Variants in NTRK3 observed in about 807,000 individuals in gnomAD.
NTRK3 encodes neurotrophic receptor tyrosine kinase 3.
In NTRK3, 24 loss-of-function variants were observed where a neutral mutation model predicts 91.7. The observed-to-expected ratio is 0.26, with a 90% CI of 0.19 to 0.37. NTRK3 has a LOEUF of 0.37. Among genes scored for constraint, NTRK3 ranks in the 10% least tolerant of loss-of-function variants. The pLI is 1.00. For missense variants in NTRK3, 880 were observed against 1,068.9 expected (o/e 0.82, Z 2.46); for synonymous variants, 483 against 404.0 (o/e 1.20, Z -2.34).
intron 5 of NTRK3, among the ~76,000 whole-genome samples, chr15:88,158,264 G>A (rs905975954): frequency 1.1e-4 from 16 of 152,142 alleles, no homozygotes; most frequent in Non-Finnish European, 2.4e-4. Flanking sequence ...AAGCCACAAC[G>A]CGCCCACGCC....
rs377120482 is a variant in NTRK3 at position 88,056,204 on chromosome 15, T to TATATATATATA, written c.1397-23160_1397-23159insTATATATATAT. On this transcript the variant is annotated intron_variant, in intron 13 of 18. Coordinates refer to ENST00000394480, the Ensembl canonical transcript of NTRK3. ...TATATATATATATATATATATATAT[T>TATATATATATA]TTTTTTTTAATGTAGAACCTTGATC... 3.3e-3 allele frequency among the ~76,000 whole-genome samples: 314 copies of TATATATATATA among 95,162 alleles called. 2 individuals carry two copies. The highest frequency in any genetic ancestry group is 5.7e-3 in the Middle Eastern group (1 of 174). The allele number at this position is 95,162 out of a possible 152,430, so 62.4% of individuals were successfully genotyped here.
rs1343039261 is a variant in NTRK3 at position 88,241,980 on chromosome 15, C to T, written c.248+13926G>A. Among the ~76,000 whole-genome samples, 1 of 152,150 alleles carries T rather than the reference C, an allele frequency of 6.6e-6. No homozygotes were observed. Among genetic ancestry groups the T allele is most frequent in the Non-Finnish European group, 1.5e-5 (1 of 68,024 alleles). On this transcript the variant is annotated intron_variant, in intron 3 of 18. Coordinates refer to ENST00000394480, the Ensembl canonical transcript of NTRK3. This position sits in a 1 kb window ranked among gnomAD's most constrained non-coding sequence, Gnocchi z 4.3. ...AGGGGTCCTGCTCTCCACGGCTTTC[C>T]CAGCTCTCCCAAGTGGCTGGCCCAT...
At chr15:88,146,413 G>A (rs6496465) in intron 6 of NTRK3, among the ~76,000 whole-genome samples, 70,305 of 152,026 alleles carry the variant, frequency 0.46, 17,967 homozygotes, top group African/African-American at 0.7. Context: ...TTGGATCTGC[G>A]TCACCAAGTA....
At chr15:88,029,247 T>C (rs958172971) in intron 14 of NTRK3, among the ~76,000 whole-genome samples, 1 of 152,196 alleles carries the variant, frequency 6.6e-6, no homozygotes, top group African/African-American at 2.4e-5. Context: ...GCTAAATAAA[T>C]GCAGAATAAA....
chr15:87,892,996 G>A (rs1308526505), intron 17 of NTRK3, among the ~76,000 whole-genome samples: 1 of 152,114 alleles, frequency 6.6e-6, no homozygotes, highest in Non-Finnish European at 1.5e-5. Flanking sequence ...ACAATATTCT[G>A]GAAATGACAT....
At chr15:87,904,988 A>T (rs1190684886) in intron 17 of NTRK3, among the ~76,000 whole-genome samples, 1 of 152,248 alleles carries the variant, frequency 6.6e-6, no homozygotes, top group Non-Finnish European at 1.5e-5. Flanking sequence ...CAAGTATCAA[A>T]ATGACGGGGG....
intron 14 of NTRK3, among the ~76,000 whole-genome samples, chr15:87,943,616 A>G (rs12592804): frequency 0.18 from 27,512 of 152,100 alleles, 2,664 homozygotes; most frequent in South Asian, 0.29. Flanking sequence ...GGAACTTTAA[A>G]GAGAACCAGA....
In NTRK3 at chr15:88,243,567, C is replaced by CACAT. The variant is rs1555571960; in HGVS notation, c.248+12338_248+12339insATGT. Among the ~76,000 whole-genome samples the CACAT allele has an allele frequency of 5.6e-3, 846 of 150,540 alleles. 16 individuals are homozygous for CACAT. Among genetic ancestry groups the CACAT allele is most frequent in the African/African-American group, 0.019 (765 of 40,724 alleles). On this transcript the variant is annotated intron_variant, in intron 3 of 18. Coordinates refer to ENST00000394480, the Ensembl canonical transcript of NTRK3. This position sits in a 1 kb window ranked among gnomAD's most constrained non-coding sequence, Gnocchi z 4.8. ...ACACACACACACACACACACACACA[C>CACAT]ACACACACACTGAGCAAAAGGTATT...
At chr15:88,045,632 G>A (rs1459890567) in intron 13 of NTRK3, among the ~76,000 whole-genome samples, 1 of 152,208 alleles carries the variant, frequency 6.6e-6, no homozygotes, top group African/African-American at 2.4e-5. Context: ...ATGCACTACA[G>A]TTCTGGAGGC....
At position 87,928,929 on chromosome 15, in the gene NTRK3, A is replaced by G. The variant is rs1227404113; in HGVS notation, c.2133+262T>C. The G allele has an allele frequency of 6.7e-6, 4 of 599,916 alleles. No homozygotes were observed. The Admixed American group carries it at 8.8e-5, about 13-fold the overall frequency. The allele number at this position is 599,916 out of a possible 1,614,324, so 37.2% of individuals were successfully genotyped here. A position where few individuals can be genotyped will look rare whatever the true frequency, so the allele number is the denominator to read the frequency against. On this transcript the variant is annotated intron_variant, in intron 17 of 18. Transcript: ENST00000394480. ...AAGAATGAGTATTGAAGCACGTAAG[A>G]ACACAATGCATATGTTATTGCAATG...
chr15:88,118,426 G>T (rs2052345658), intron 13 of NTRK3, among the ~76,000 whole-genome samples: 1 of 152,136 alleles, frequency 6.6e-6, no homozygotes, highest in African/African-American at 2.4e-5. Flanking sequence ...TTTACAGGGG[G>T]TAAAAAACAT....
rs574766022 is a variant in NTRK3 at position 88,127,250 on chromosome 15, G to A, written c.1229-24C>T. The A allele has an allele frequency of 2.7e-5, 44 of 1,610,430 alleles. 1 individual carries two copies. In the South Asian group the frequency reaches 3.7e-4, roughly 14 times the overall value. The stretch of plus-strand genomic sequence containing the variant: ...AACTGAAAACCAAACACAAAAAGGA[G>A]GAGGACAGTTAGCTTCCCGGCTGGG... On this transcript the variant is annotated intron_variant, in intron 11 of 18. Coordinates refer to ENST00000394480, the Ensembl canonical transcript of NTRK3.
At chr15:87,868,111 C>T (rs999158973) in exon 19 of NTRK3, 6 of 231,760 alleles carry the variant, frequency 2.6e-5, no homozygotes, top group African/African-American at 1.1e-4. Flanking sequence ...ACGGAAGCGA[C>T]ACAAATGGGG....
At chr15:88,196,360 C>T (rs1188698803) in intron 3 of NTRK3, among the ~76,000 whole-genome samples, 2 of 150,972 alleles carry the variant, frequency 1.3e-5, no homozygotes, top group African/African-American at 2.4e-5. Flanking sequence ...GGGATGCGAC[C>T]GAGGCACAGT....
At chr15:88,009,893 CT>C (rs2076751361) in intron 14 of NTRK3, among the ~76,000 whole-genome samples, 1 of 152,200 alleles carries the variant, frequency 6.6e-6, no homozygotes, top group African/African-American at 2.4e-5. Flanking sequence ...CTACAGACTG[CT>C]TTTCCTTCCA....
At chr15:87,872,982 C>T in exon 19 of NTRK3, 1 of 233,086 alleles carries the variant, frequency 4.3e-6, no homozygotes, top group East Asian at 6.0e-5. Flanking sequence ...GTCTTTTCAC[C>T]CTGCCACTTT....
intron 3 of NTRK3, among the ~76,000 whole-genome samples, chr15:88,198,253 A>G (rs746202732): frequency 3.3e-5 from 5 of 151,916 alleles, no homozygotes; most frequent in Non-Finnish European, 7.4e-5. Context: ...CCCCCTTCCC[A>G]TCCTTACCCA....
At chr15:88,128,773 T>C (rs2053542061) in intron 10 of NTRK3, 39 bp from the exon 11 acceptor site, 7 of 1,586,408 alleles carry the variant, frequency 4.4e-6, no homozygotes, top group Non-Finnish European at 6.1e-6. Context: ...ACAAATTTAA[T>C]AAAAACCAGA....
At chr15:87,943,929 A>C (rs2070161621) in intron 14 of NTRK3, among the ~76,000 whole-genome samples, 1 of 152,046 alleles carries the variant, frequency 6.6e-6, no homozygotes, top group African/African-American at 2.4e-5. Context: ...GCCCAAGCAG[A>C]AGCCTCCGTG....
Sources: gnomAD v4.1 joint callset for allele counts (sites outside exome capture counted in the v4.1 genomes callset) on GRCh38, gnomAD v4.1.1 for gene constraint, Gnocchi (gnomAD v3.1) non-coding constraint, MANE v1.5 for transcripts, NCBI Gene and HGNC (gene_info 2026-07-23, HGNC 2026-07-21) for gene names.